Variants in UGT1A8 observed in about 807,000 individuals in gnomAD.
The protein encoded by UGT1A8 is UDP-glucuronosyltransferase 1A8.
A neutral mutation model predicts 45.3 loss-of-function variants in UGT1A8; 39 were observed. The ratio of observed to expected loss-of-function variants is 0.86; its 90% CI spans 0.67 to 1.12. UGT1A8 has a LOEUF of 1.12. Ranked by LOEUF, UGT1A8 falls within the 50% of genes most tolerant of loss-of-function variation. UGT1A8 has a pLI of 0.00. For synonymous variants in UGT1A8, 275 were observed against 249.2 expected, an observed-to-expected ratio of 1.10 and a Z score of -0.97; for missense variants, 719 against 664.9, an observed-to-expected ratio of 1.08 and a Z score of -0.90.
intron 1 of UGT1A8, among the ~76,000 whole-genome samples, chr2:233,631,247 G>A (rs2073181101): frequency 6.6e-6 from 1 of 152,050 alleles, no homozygotes; most frequent in Non-Finnish European, 1.5e-5. Flanking sequence ...TCATTGATGG[G>A]CATTTGAGTT....
chr2:233,681,837 A>G (rs2074541665), intron 1 of UGT1A8: 1 of 1,517,744 alleles, frequency 6.6e-7, no homozygotes, highest in African/African-American at 1.4e-5. Flanking sequence ...ATGAATAAGT[A>G]CACGCCTTCT....
chr2:233,639,789 G>A (rs139789935), intron 1 of UGT1A8, among the ~76,000 whole-genome samples: 5 of 152,258 alleles, frequency 3.3e-5, no homozygotes, highest in African/African-American at 1.2e-4. Flanking sequence ...GATTTGGAGG[G>A]GACAAACTTT....
intron 1 of UGT1A8, among the ~76,000 whole-genome samples, chr2:233,646,339 G>A (rs1039122762): frequency 1.3e-5 from 2 of 152,138 alleles, no homozygotes; most frequent in Admixed American, 6.5e-5. Context: ...ATGGTTTTGG[G>A]GATTAACATT....
chr2:233,749,735 T>C (rs1694263378), intron 1 of UGT1A8, among the ~76,000 whole-genome samples: 1 of 151,892 alleles, frequency 6.6e-6, no homozygotes, highest in Non-Finnish European at 1.5e-5. Context: ...CACCTGCTGG[T>C]CTCATCATAG....
chr2:233,626,957 T>A (rs2073095350), intron 1 of UGT1A8, among the ~76,000 whole-genome samples: 1 of 152,092 alleles, frequency 6.6e-6, no homozygotes, highest in South Asian at 2.1e-4. Flanking sequence ...GTTCTTGTTG[T>A]CTAGGCCTTC....
intron 1 of UGT1A8, chr2:233,729,153 G>T: frequency 6.2e-7 from 1 of 1,613,546 alleles, no homozygotes; most frequent in African/African-American, 1.3e-5. Context: ...AGGTTCCCCT[G>T]CCGTGGCTGG....
chr2:233,620,608 A>G (rs1411223398), intron 1 of UGT1A8, among the ~76,000 whole-genome samples: 1 of 152,206 alleles, frequency 6.6e-6, no homozygotes, highest in East Asian at 1.9e-4. Context: ...TTCTATATCT[A>G]TTAAAGAATA....
At chr2:233,667,835 C>T (rs942729743) in intron 1 of UGT1A8, among the ~76,000 whole-genome samples, 1 of 152,158 alleles carries the variant, frequency 6.6e-6, no homozygotes, top group Non-Finnish European at 1.5e-5. Context: ...CAATGAGATA[C>T]CATCTCACAC....
chr2:233,711,956 A>G (rs2076206805), intron 1 of UGT1A8, among the ~76,000 whole-genome samples: 1 of 152,196 alleles, frequency 6.6e-6, no homozygotes, highest in African/African-American at 2.4e-5. Context: ...TTAATTCTCC[A>G]TTTTGAAATT....
chr2:233,640,751 A>G (rs1326457136), intron 1 of UGT1A8, among the ~76,000 whole-genome samples: 2 of 152,140 alleles, frequency 1.3e-5, no homozygotes, highest in East Asian at 3.8e-4. Flanking sequence ...TAGGCCAACA[A>G]TCTTAGGTAG....
At chr2:233,710,053 C>T (rs1449655708) in intron 1 of UGT1A8, among the ~76,000 whole-genome samples, 1 of 152,168 alleles carries the variant, frequency 6.6e-6, no homozygotes, top group Non-Finnish European at 1.5e-5. Context: ...CTCTTTGGCT[C>T]GGCATAATGT....
intron 1 of UGT1A8, among the ~76,000 whole-genome samples, chr2:233,657,585 C>T (rs560284997): frequency 6.6e-6 from 1 of 152,172 alleles, no homozygotes; most frequent in Non-Finnish European, 1.5e-5. Flanking sequence ...ACCCAGATAC[C>T]TCCCACTAAG....
At chr2:233,729,039 C>T (rs2077779281) in intron 1 of UGT1A8, 1 of 1,604,830 alleles carries the variant, frequency 6.2e-7, no homozygotes, top group Non-Finnish European at 8.5e-7. Context: ...TGCTAAGTGG[C>T]TCAGTGACAA....
rs1316951869 is a variant in UGT1A8 at position 233,743,957 on chromosome 2, A to G, written c.856-23077A>G. ...CGGCCCACCAGGCACTGGCACAGCG[A>G]GCGGCAAGGCTGCCAGCACCCAGGC... is the stretch of plus-strand genomic sequence containing the variant. On this transcript the variant is annotated intron_variant, in intron 1 of 4. Coordinates refer to ENST00000373450, the MANE Select transcript of UGT1A8 (RefSeq NM_019076.5). 4 of 1,338,466 alleles carry G rather than the reference A, an allele frequency of 3.0e-6. No individual in the cohort carries two copies. The Admixed American group carries it at 8.0e-5, about 27-fold the overall frequency. The allele number at this position is 1,338,466 out of a possible 1,614,324, so 82.9% of individuals were successfully genotyped here.
Position 233,772,595 on chromosome 2 carries a change from T to C in UGT1A8, c.*36T>C. On this transcript the variant is annotated 3_prime_UTR_variant, in exon 5 of 5. Transcript: ENST00000373450. ...GGAAATAAGGTAAAATTTTGAACCA[T>C]TCCCTAGTCATTTCCAAACTTGAAA... 1 of 1,596,790 alleles carries C rather than the reference T, an allele frequency of 6.3e-7. No homozygotes were observed. Among genetic ancestry groups the C allele is most frequent in the Non-Finnish European group, 8.5e-7 (1 of 1,170,806 alleles).
chr2:233,724,874 C>A (rs370433880), intron 1 of UGT1A8, among the ~76,000 whole-genome samples: 1 of 128,396 alleles, frequency 7.8e-6, no homozygotes, highest in Non-Finnish European at 1.6e-5. Flanking sequence ...TTGTAGTGAG[C>A]GGAGATCACG....
chr2:233,768,589 T>C (rs1575835871), intron 4 of UGT1A8, 150 bp downstream of exon 4: 6 of 1,048,606 alleles, frequency 5.7e-6, no homozygotes, highest in East Asian at 7.5e-5. Flanking sequence ...CTTCTTTTTT[T>C]TTTTTTTTTT....
chr2:233,630,225 A>G (rs1359604073), intron 1 of UGT1A8, among the ~76,000 whole-genome samples: 3 of 152,218 alleles, frequency 2.0e-5, no homozygotes, highest in East Asian at 1.9e-4. Context: ...TTTCAAGGAC[A>G]GTCATCTGCA....
At chr2:233,670,227 T>C (rs904055426) in intron 1 of UGT1A8, among the ~76,000 whole-genome samples, 2 of 152,208 alleles carry the variant, frequency 1.3e-5, no homozygotes, top group Admixed American at 1.3e-4. Flanking sequence ...CTCTTGATTG[T>C]CCTCCATTGA....
Sources: gnomAD v4.1 joint callset for allele counts (sites outside exome capture counted in the v4.1 genomes callset) on GRCh38, gnomAD v4.1.1 for gene constraint, MANE v1.5 for transcripts, NCBI Gene and HGNC (gene_info 2026-07-23, HGNC 2026-07-21) for gene names.